The following PMM2 variants were observed in gnomAD, a reference collection of about 807,000 sequenced individuals.
PMM2 encodes the protein mannose-6-phosphate isomerase.
In PMM2, 35 loss-of-function variants were observed where a neutral mutation model predicts 33.2. That is an observed-to-expected ratio of 1.06 (90% CI 0.81 to 1.40). The LOEUF is 1.40. Ranked by LOEUF, PMM2 falls within the 40% of genes most tolerant of loss-of-function variation. The pLI is 0.00. For synonymous variants in PMM2, 153 were observed against 114.7 expected, an observed-to-expected ratio of 1.33 and a Z score of -2.13; for missense variants, 386 against 306.0, an observed-to-expected ratio of 1.26 and a Z score of -1.95.
intron 2 of PMM2, among the ~76,000 whole-genome samples, chr16:8,803,487 C>T (rs769973375): frequency 6.6e-6 from 1 of 152,182 alleles, no homozygotes; most frequent in Non-Finnish European, 1.5e-5. Flanking sequence ...GGCCAAAAGA[C>T]AGTTGAAGGC....
At chr16:8,819,549 A>C (rs1262162302) in intron 7 of PMM2, among the ~76,000 whole-genome samples, 1 of 152,032 alleles carries the variant, frequency 6.6e-6, no homozygotes, top group Non-Finnish European at 1.5e-5. Flanking sequence ...AATCAACTTG[A>C]GAAAAGGATC....
Position 8,847,734 on chromosome 16 carries a change from A to G in PMM2, c.650A>G (p.Asp217Gly), listed in dbSNP as rs1302144319. Residue 217 changes from aspartate (D) to glycine (G), a missense_variant, in exon 8 of 8, where the codon GAC (aspartate) becomes GGC (glycine). By Grantham distance (94) the Asp-to-Gly change is moderately conservative. Transcript: ENST00000268261. ...FGDKTMPGGNDHEIFTDPRTM... is the reference protein window; with the variant it reads ...FGDKTMPGGNGHEIFTDPRTM... ...TTCGTGTCTTTCCAGGGTGGCAATG[A>G]CCATGAGATCTTCACAGACCCCAGA... The G allele has an allele frequency of 6.2e-7, 1 of 1,612,908 alleles. No individual in the cohort carries two copies. The highest frequency in any genetic ancestry group is 1.1e-5 in the South Asian group (1 of 91,058).
rs565437040 is a variant in PMM2 at position 8,824,393 on chromosome 16, G to A, written c.639+11287G>A. On this transcript the variant is annotated intron_variant, in intron 7 of 7. Coordinates refer to ENST00000268261, the MANE Select transcript of PMM2 (RefSeq NM_000303.3). ...GGGTAACAAAAGTCTCAGGACAGCCGTAGTTAAAGATGCAGTCAACAAGGA... is the reference window on the plus strand; with the variant it reads ...GGGTAACAAAAGTCTCAGGACAGCCATAGTTAAAGATGCAGTCAACAAGGA... 7.2e-5 allele frequency among the ~76,000 whole-genome samples: 11 copies of A among 152,252 alleles called. No individual in the cohort carries two copies. In the South Asian group the frequency reaches 1.2e-3, roughly 17 times the overall value.
At chr16:8,828,859 C>G (rs2060793191) in intron 7 of PMM2, among the ~76,000 whole-genome samples, 1 of 152,192 alleles carries the variant, frequency 6.6e-6, no homozygotes, top group Non-Finnish European at 1.5e-5. Context: ...AGTAGGTGTT[C>G]TAGAAAGGTG....
intron 7 of PMM2, among the ~76,000 whole-genome samples, chr16:8,840,796 C>T (rs991697880): frequency 2.0e-5 from 3 of 151,792 alleles, no homozygotes; most frequent in African/African-American, 4.8e-5. Flanking sequence ...TCCGGTCCAT[C>T]GAGGTTGTAG....
chr16:8,821,345 T>A (rs1386515842), intron 7 of PMM2, among the ~76,000 whole-genome samples: 1 of 152,164 alleles, frequency 6.6e-6, no homozygotes, highest in Non-Finnish European at 1.5e-5. Context: ...GAGCTTCAGA[T>A]GTTCCTGCTA....
At chr16:8,839,089 C>G (rs1002259764) in intron 7 of PMM2, among the ~76,000 whole-genome samples, 3 of 151,738 alleles carry the variant, frequency 2.0e-5, no homozygotes, top group Non-Finnish European at 4.4e-5. Context: ...TATTCCAGTA[C>G]CGAGAGCAAT....
chr16:8,832,743 G>GTT (rs2060818174), intron 7 of PMM2: 2 of 985,144 alleles, frequency 2.0e-6, no homozygotes, highest in Non-Finnish European at 2.4e-6. Context: ...GCTTCAGGCG[G>GTT]CTACCCGTGA....
intron 4 of PMM2, 196 bp downstream of exon 4, chr16:8,806,603 C>G: frequency 1.6e-6 from 1 of 611,700 alleles, no homozygotes; most frequent in Non-Finnish European, 2.9e-6. Flanking sequence ...CACATTTTCT[C>G]TGGCTGCCCT....
intron 6 of PMM2, 33 bp downstream of exon 6, chr16:8,811,746 G>A: frequency 7.0e-7 from 1 of 1,432,624 alleles, no homozygotes; most frequent in African/African-American, 1.4e-5. Context: ...TCCAAACTTG[G>A]ATACCCATTT....
In PMM2 at chr16:8,847,769, T is replaced by C; in HGVS notation, c.685T>C (p.Tyr229His). ...CTTCACAGACCCCAGAACCATGGGC[T>C]ACTCCGTGACAGCGCCTGAGGACAC... ...EIFTDPRTMGYSVTAPEDTRR... is the reference protein window; with the variant it reads ...EIFTDPRTMGHSVTAPEDTRR... Residue 229 changes from tyrosine (Y) to histidine (H), a missense_variant, in exon 8 of 8, where the codon TAC becomes CAC. Tyr to His is a moderately conservative substitution (Grantham distance 83). Coordinates refer to ENST00000268261, the MANE Select transcript of PMM2 (RefSeq NM_000303.3). 6.2e-7 allele frequency: 1 copy of C among 1,614,126 alleles called. No individual in the cohort carries two copies. Among genetic ancestry groups the C allele is most frequent in the Non-Finnish European group, 8.5e-7 (1 of 1,179,982 alleles).
chr16:8,820,351 C>CTTTTTTTTTTTTTTTTT lies in PMM2; in HGVS notation c.639+7246_639+7262dup, dbSNP rs545958069. ...TCAGCCCAGTGAGGACACAGTTCTT[C>CTTTTTTTTTTTTTTTTT]TTTTTTTTTTTTTTTTTCCTGAGAC... On this transcript the variant is annotated intron_variant, in intron 7 of 7. Coordinates refer to ENST00000268261, the MANE Select transcript of PMM2 (RefSeq NM_000303.3). 3.8e-4 allele frequency among the ~76,000 whole-genome samples: 50 copies of CTTTTTTTTTTTTTTTTT among 133,126 alleles called. 2 individuals carry two copies. Among genetic ancestry groups the CTTTTTTTTTTTTTTTTT allele is most frequent in the African/African-American group, 1.4e-3 (46 of 32,156 alleles). 87.3% of individuals were successfully genotyped at this position (133,126 alleles called of 152,430 possible). A position where few individuals can be genotyped will look rare whatever the true frequency, so the allele number is the denominator to read the frequency against.
intron 7 of PMM2, among the ~76,000 whole-genome samples, chr16:8,825,094 G>A (rs1046653316): frequency 5.3e-5 from 8 of 152,116 alleles, no homozygotes; most frequent in Non-Finnish European, 8.8e-5. Context: ...ACAGTGGCAC[G>A]ATCTCAGCTC....
At chr16:8,825,005 G>C (rs1437121636) in intron 7 of PMM2, among the ~76,000 whole-genome samples, 1 of 152,116 alleles carries the variant, frequency 6.6e-6, no homozygotes, top group East Asian at 1.9e-4. Context: ...TCTCGCATTA[G>C]TGCATCTTTA....
chr16:8,801,265 C>G (rs1469587539), intron 1 of PMM2, among the ~76,000 whole-genome samples: 1 of 152,216 alleles, frequency 6.6e-6, no homozygotes, highest in African/African-American at 2.4e-5. Flanking sequence ...AACATATTAC[C>G]TGTGTTTAAA....
chr16:8,811,090 T>A lies in PMM2; in HGVS notation c.359T>A (p.Ile120Asn). The A allele has an allele frequency of 6.4e-7, 1 of 1,564,554 alleles. No homozygotes were observed. ...IKLPKKRGTF[I>N]EFRNGMLNVS... Reference sequence around the variant, plus strand: ...CCTTTCATTCCCAGGGGTACTTTCATTGAATTCCGAAATGGGATGTTAAAC... The same window carrying A: ...CCTTTCATTCCCAGGGGTACTTTCAATGAATTCCGAAATGGGATGTTAAAC... The change falls in exon 5 of 8, where the codon ATT (isoleucine) becomes AAT (asparagine). Residue 120 changes from isoleucine (I) to asparagine (N), a missense_variant. Coordinates refer to ENST00000268261, the MANE Select transcript of PMM2 (RefSeq NM_000303.3).
intron 7 of PMM2, among the ~76,000 whole-genome samples, chr16:8,847,493 C>T (rs1463686928): frequency 1.3e-5 from 2 of 151,966 alleles, no homozygotes; most frequent in Non-Finnish European, 2.9e-5. Context: ...CTCTCATAGG[C>T]ATAATTACGT....
At chr16:8,830,520 G>A (rs981894155) in intron 7 of PMM2, among the ~76,000 whole-genome samples, 10 of 152,108 alleles carry the variant, frequency 6.6e-5, no homozygotes, top group African/African-American at 2.4e-4. Context: ...AATCATAGGG[G>A]GTAGAAGTGA....
chr16:8,830,215 G>A (rs548531118), intron 7 of PMM2, among the ~76,000 whole-genome samples: 163 of 152,308 alleles, frequency 1.1e-3, no homozygotes, highest in African/African-American at 3.2e-3. Context: ...CACCAGTGAG[G>A]GGGGTTGGGG....
Sources: allele counts gnomAD v4.1 joint callset (sites outside exome capture counted in the v4.1 genomes callset), GRCh38; gene constraint gnomAD v4.1.1; transcripts MANE v1.5; gene names NCBI Gene and HGNC (gene_info 2026-07-23, HGNC 2026-07-21).